ROBO2: variants seen among roughly 807,000 people sequenced by gnomAD.
ROBO2 encodes the protein roundabout guidance receptor 2.
ROBO2 carries 53 observed loss-of-function variants against 160.8 expected under a neutral mutation model. That is an observed-to-expected ratio of 0.33 (90% CI 0.26 to 0.41). ROBO2 has a LOEUF of 0.41. Among genes scored for constraint, ROBO2 ranks in the 10% least tolerant of loss-of-function variants. The pLI is 1.00. For missense variants in ROBO2, 1,577 were observed against 1,722.4 expected (o/e 0.92, Z 1.49); for synonymous variants, 664 against 611.7 (o/e 1.09, Z -1.26).
At chr3:75,976,627 A>G (rs970592629) in intron 2 of ROBO2, among the ~76,000 whole-genome samples, 2 of 151,594 alleles carry the variant, frequency 1.3e-5, no homozygotes, top group African/African-American at 4.8e-5. Flanking sequence ...TGTTAATAAA[A>G]ATTTAAAAAT....
intron 2 of ROBO2, among the ~76,000 whole-genome samples, chr3:77,228,975 T>C (rs1164794292): frequency 6.6e-6 from 1 of 152,220 alleles, no homozygotes; most frequent in East Asian, 1.9e-4. Context: ...CAACATCAAA[T>C]CTGTCTGCTA....
intron 1 of ROBO2, among the ~76,000 whole-genome samples, chr3:77,044,469 CT>C (rs1186279036): frequency 1.3e-5 from 2 of 152,018 alleles, no homozygotes; most frequent in South Asian, 2.1e-4. Flanking sequence ...CCTTTTTCTC[CT>C]TTTTTTCCTC....
At chr3:76,515,905 C>A (rs867047094) in intron 2 of ROBO2, among the ~76,000 whole-genome samples, 3 of 152,112 alleles carry the variant, frequency 2.0e-5, no homozygotes, top group African/African-American at 7.2e-5. Flanking sequence ...CATTTTCTCC[C>A]AGCTTCACTT....
At position 77,200,267 on chromosome 3, in the gene ROBO2, T is replaced by TTA. The variant is rs144644165; in HGVS notation, c.388+101981_388+101982dup. Among the ~76,000 whole-genome samples, 330 of 46,206 alleles carry TTA rather than the reference T, an allele frequency of 7.1e-3. 3 individuals are homozygous for TTA. The highest frequency in any genetic ancestry group is 0.01 in the Non-Finnish European group (194 of 18,880). The allele number at this position is 46,206 out of a possible 152,430, so 30.3% of individuals were successfully genotyped here. A position where few individuals can be genotyped will look rare whatever the true frequency, so the allele number is the denominator to read the frequency against. On this transcript the variant is annotated intron_variant, in intron 2 of 25. Coordinates refer to ENST00000461745, the Ensembl canonical transcript of ROBO2. ...GTATGTATATCCTAACTAACATATT[T>TTA]TATATATATATATATATATATATAT...
intron 2 of ROBO2, among the ~76,000 whole-genome samples, chr3:76,928,560 C>G (rs2149037666): frequency 6.6e-6 from 1 of 151,744 alleles, no homozygotes; most frequent in East Asian, 1.9e-4. Flanking sequence ...TCAAGATTCT[C>G]AGCCAATGTC....
At chr3:77,061,684 A>G (rs1405171324) in intron 1 of ROBO2, among the ~76,000 whole-genome samples, 1 of 152,170 alleles carries the variant, frequency 6.6e-6, no homozygotes, top group African/African-American at 2.4e-5. Flanking sequence ...ATGGGGACTT[A>G]TCACCATGGA....
intron 1 of ROBO2, among the ~76,000 whole-genome samples, chr3:75,913,032 G>T (rs1386095596): frequency 1.3e-5 from 2 of 152,108 alleles, no homozygotes; most frequent in East Asian, 1.9e-4. Flanking sequence ...CTTTAATTAG[G>T]CTAAGTCACT....
At chr3:76,038,312 A>T (rs915392168) in intron 2 of ROBO2, among the ~76,000 whole-genome samples, 3 of 151,970 alleles carry the variant, frequency 2.0e-5, no homozygotes, top group African/African-American at 7.3e-5. Context: ...TTGCAAGAAG[A>T]GTGGGGAAAA....
intron 2 of ROBO2, among the ~76,000 whole-genome samples, chr3:76,141,177 A>ATATATATATATG (rs1352311949): frequency 3.9e-5 from 4 of 103,216 alleles, no homozygotes; most frequent in African/African-American, 1.5e-4. Flanking sequence ...ATATATATAT[A>ATATATATATATG]TATATATATA....
intron 2 of ROBO2, among the ~76,000 whole-genome samples, chr3:76,156,570 T>C (rs1338218179): frequency 6.6e-6 from 1 of 152,218 alleles, no homozygotes; most frequent in East Asian, 1.9e-4. Context: ...AGGCAAAAGG[T>C]ACAATTGTGT....
At chr3:76,800,568 A>T (rs1030570086) in intron 2 of ROBO2, among the ~76,000 whole-genome samples, 9 of 152,204 alleles carry the variant, frequency 5.9e-5, no homozygotes, top group African/African-American at 2.2e-4. Context: ...AAAGGATCTG[A>T]ATAGACAGTT....
chr3:76,923,389 G>GTA (rs1390219287), intron 2 of ROBO2, among the ~76,000 whole-genome samples: 2 of 152,206 alleles, frequency 1.3e-5, no homozygotes, highest in African/African-American at 4.8e-5. Context: ...GTACATGTAT[G>GTA]TAAACAGACA....
At chr3:76,214,929 C>T (rs1453308082) in intron 2 of ROBO2, among the ~76,000 whole-genome samples, 1 of 152,144 alleles carries the variant, frequency 6.6e-6, no homozygotes, top group Non-Finnish European at 1.5e-5. Context: ...GGCGGACTGA[C>T]ACCTCACATG....
intron 2 of ROBO2, among the ~76,000 whole-genome samples, chr3:77,174,765 C>T (rs1288625269): frequency 6.6e-6 from 1 of 151,860 alleles, no homozygotes; most frequent in East Asian, 1.9e-4. Context: ...TTAATTCTTC[C>T]TTACAATATA....
At chr3:76,406,374 C>A (rs1260216077) in intron 2 of ROBO2, among the ~76,000 whole-genome samples, 2 of 151,844 alleles carry the variant, frequency 1.3e-5, no homozygotes, top group Non-Finnish European at 2.9e-5. Context: ...TTTGCCAACT[C>A]AATTTGTAGC....
chr3:76,400,491 G>A (rs976158533), intron 2 of ROBO2, among the ~76,000 whole-genome samples: 8 of 151,458 alleles, frequency 5.3e-5, no homozygotes, highest in African/African-American at 1.9e-4. Flanking sequence ...TCTATTATTG[G>A]TTTGGACACT....
At chr3:76,812,909 A>ATTTTTTTTTTTTTTTTTTTTTTT (rs71104626) in intron 2 of ROBO2, among the ~76,000 whole-genome samples, 2 of 104,656 alleles carry the variant, frequency 1.9e-5, no homozygotes, top group African/African-American at 7.3e-5. Flanking sequence ...AGAAGTATAA[A>ATTTTTTTTTTTTTTTTTTTTTTT]TTTTTTTTTT....
At chr3:77,442,137 C>T (rs563402797) in intron 2 of ROBO2, among the ~76,000 whole-genome samples, 1 of 152,076 alleles carries the variant, frequency 6.6e-6, no homozygotes, top group East Asian at 1.9e-4. Context: ...ACGGTGAAGC[C>T]CCATCTCTAC....
At chr3:77,291,332 C>A (rs1332451283) in intron 2 of ROBO2, among the ~76,000 whole-genome samples, 1 of 151,454 alleles carries the variant, frequency 6.6e-6, no homozygotes, top group Non-Finnish European at 1.5e-5. Flanking sequence ...GGCTAGATCA[C>A]CCCAGACGTA....
Sources: gnomAD v4.1 joint callset for allele counts (sites outside exome capture counted in the v4.1 genomes callset) on GRCh38, gnomAD v4.1.1 for gene constraint, MANE v1.5 for transcripts, NCBI Gene and HGNC (gene_info 2026-07-23, HGNC 2026-07-21) for gene names.